Variants in KIF25 observed in about 807,000 individuals in gnomAD.
The protein encoded by KIF25 is kinesin-like protein KIF25.
In KIF25, 19 loss-of-function variants were observed where a neutral mutation model predicts 32.9. The observed-to-expected ratio is 0.58, with a 90% CI of 0.40 to 0.85. The LOEUF is 0.85. Ranked by LOEUF, KIF25 falls within the 40% of genes least tolerant of loss-of-function variation. The probability of loss-of-function intolerance (pLI) is 0.00; values close to 1 mark genes in which losing one functional copy is unlikely to be tolerated. For synonymous variants in KIF25, 225 were observed against 213.7 expected (o/e 1.05, Z -0.46); for missense variants, 485 against 507.0 (o/e 0.96, Z 0.42).
At chr6:168,004,610 C>T (rs775024519) in intron 4 of KIF25, among the ~76,000 whole-genome samples, 1 of 152,140 alleles carries the variant, frequency 6.6e-6, no homozygotes, top group Non-Finnish European at 1.5e-5. Context: ...TCATTTGAAA[C>T]CCCCAATGAA....
chr6:168,031,578 C>A (rs1267700346), intron 7 of KIF25, among the ~76,000 whole-genome samples: 1 of 152,218 alleles, frequency 6.6e-6, no homozygotes, highest in Non-Finnish European at 1.5e-5. Context: ...CACGCGGGGC[C>A]GCTCCGCCAA....
intron 8 of KIF25, among the ~76,000 whole-genome samples, chr6:168,035,401 A>G (rs1171276972): frequency 4.9e-5 from 2 of 41,230 alleles, no homozygotes; most frequent in Non-Finnish European, 1.0e-4. Flanking sequence ...AAGCATATCC[A>G]GGGCGGCAAA....
At chr6:168,040,575 AGAAG>A (rs1428986609) in intron 10 of KIF25, among the ~76,000 whole-genome samples, 1 of 148,594 alleles carries the variant, frequency 6.7e-6, no homozygotes, top group African/African-American at 2.6e-5. Context: ...AAAAAAAAAA[AGAAG>A]AAGAAGAAGA....
chr6:168,018,528 T>G (rs981397355), intron 5 of KIF25, among the ~76,000 whole-genome samples: 4 of 152,184 alleles, frequency 2.6e-5, no homozygotes, highest in Non-Finnish European at 5.9e-5. Flanking sequence ...CATATGTTCA[T>G]TGTTTTAAGT....
chr6:168,004,871 G>A (rs1798557648), intron 4 of KIF25, among the ~76,000 whole-genome samples: 1 of 152,222 alleles, frequency 6.6e-6, no homozygotes, highest in Admixed American at 6.5e-5. Flanking sequence ...TGGGACTGAT[G>A]AAGCACTTTT....
intron 4 of KIF25, among the ~76,000 whole-genome samples, chr6:168,012,496 A>G (rs1798660907): frequency 6.6e-6 from 1 of 152,188 alleles, no homozygotes; most frequent in Non-Finnish European, 1.5e-5. Flanking sequence ...TTCCAAGGGT[A>G]GGCTCTCAGG....
rs751450720 is a variant in KIF25, at chr6:168,038,571, C to T, written c.336C>T (p.Thr112=). ...EELFRLILEN[T]SRSPKVEVSI... ...CCCGCAGGCTCATTTTGGAAAATAC[C>T]TCAAGAAGCCCAAAGGTTGAAGTCT... The change falls in exon 9 of 13, where the codon ACC becomes ACT. Residue 112 remains threonine (T), a synonymous_variant. Transcript: ENST00000643607. The T allele has an allele frequency of 6.2e-6, 10 of 1,613,802 alleles. No individual in the cohort carries two copies. Among genetic ancestry groups the T allele is most frequent in the Non-Finnish European group, 8.5e-7 (1 of 1,180,004 alleles).
intron 2 of KIF25, among the ~76,000 whole-genome samples, chr6:168,001,624 G>A (rs1393436537): frequency 6.9e-6 from 1 of 144,404 alleles, no homozygotes; most frequent in Non-Finnish European, 1.5e-5. Context: ...CGTGGCCTCG[G>A]GCAGGTGAGA....
rs563479931 is a variant in KIF25, at chr6:168,041,909, G to A, written c.647-60G>A. ...GCTTCTCGGCTCTGACTGAGGCAAA[G>A]CACAGCCTCATGGCTTCATGCAACT... On this transcript the variant is annotated intron_variant, in intron 10 of 12. Transcript: ENST00000643607. 3.8e-5 allele frequency: 57 copies of A among 1,512,208 alleles called. 1 individual carries two copies. In the South Asian group the frequency reaches 6.8e-4, roughly 18 times the overall value. 93.7% of individuals were successfully genotyped at this position (1,512,208 alleles called of 1,614,324 possible).
chr6:168,037,275 T>G (rs1427789599), intron 8 of KIF25, among the ~76,000 whole-genome samples: 1 of 152,202 alleles, frequency 6.6e-6, no homozygotes, highest in Non-Finnish European at 1.5e-5. Flanking sequence ...TGACTGTTTG[T>G]CATTAGAAGA....
intron 5 of KIF25, among the ~76,000 whole-genome samples, chr6:168,028,608 T>C (rs527605303): frequency 1.3e-5 from 2 of 152,268 alleles, no homozygotes; most frequent in East Asian, 3.9e-4. Flanking sequence ...AACAAAACTT[T>C]GGAGCTCCAG....
intron 5 of KIF25, among the ~76,000 whole-genome samples, chr6:168,027,109 C>T (rs1445161709): frequency 2.0e-5 from 3 of 152,076 alleles, no homozygotes; most frequent in East Asian, 1.9e-4. Flanking sequence ...GGGAGGCCCT[C>T]GACCTGGGGC....
chr6:168,016,062 GTCC>G (rs1353645176), intron 4 of KIF25, among the ~76,000 whole-genome samples: 1 of 152,210 alleles, frequency 6.6e-6, no homozygotes, highest in African/African-American at 2.4e-5. Context: ...CAAAGGAACG[GTCC>G]CCGAAGTGGA....
rs1799075048 is a variant in KIF25, at chr6:168,038,845, A to G, written c.494+116A>G. 4.8e-6 allele frequency: 5 copies of G among 1,052,004 alleles called. No individual in the cohort carries two copies. The East Asian group carries it at 1.0e-4, about 22-fold the overall frequency. 65.2% of individuals were successfully genotyped at this position (1,052,004 alleles called of 1,614,324 possible). A position where few individuals can be genotyped will look rare whatever the true frequency, so the allele number is the denominator to read the frequency against. On this transcript the variant is annotated intron_variant, in intron 9 of 12. Transcript: ENST00000643607. Reference sequence around the variant, plus strand: ...CGAGCTCCCCACGCCCAAGGATCCCAAGGAGAATCGGCCGTGGTGGCCCGA... The same window carrying G: ...CGAGCTCCCCACGCCCAAGGATCCCGAGGAGAATCGGCCGTGGTGGCCCGA...
intron 5 of KIF25, among the ~76,000 whole-genome samples, chr6:168,021,213 C>T (rs1467299840): frequency 6.6e-6 from 1 of 152,196 alleles, no homozygotes; most frequent in Non-Finnish European, 1.5e-5. Flanking sequence ...ATGGTGGGGG[C>T]TGTCCTCTTA....
At chr6:168,011,237 G>A (rs1365987583) in intron 4 of KIF25, among the ~76,000 whole-genome samples, 1 of 152,080 alleles carries the variant, frequency 6.6e-6, no homozygotes, top group Non-Finnish European at 1.5e-5. Flanking sequence ...GTGGTTTTCT[G>A]TAGTGAGTCT....
At chr6:168,003,786 T>C (rs560290374) in intron 4 of KIF25, 83 bp downstream of exon 4, 1 of 152,240 alleles carries the variant, frequency 6.6e-6, no homozygotes, top group South Asian at 2.1e-4. Flanking sequence ...TATTTTAGGC[T>C]TTCTTAGTTA....
intron 4 of KIF25, among the ~76,000 whole-genome samples, chr6:168,014,532 T>A (rs227241): frequency 0.24 from 37,227 of 152,210 alleles, 5,050 homozygotes; most frequent in Non-Finnish European, 0.34. Context: ...CTTCATGCCA[T>A]CAAATCTGCT....
intron 11 of KIF25, 92 bp from the exon 12 acceptor site, chr6:168,042,469 G>A: frequency 6.7e-7 from 1 of 1,497,730 alleles, no homozygotes. Context: ...CCCTCTACCT[G>A]CCTGAGAGCC....
Sources: gnomAD v4.1 joint callset for allele counts (sites outside exome capture counted in the v4.1 genomes callset) on GRCh38, gnomAD v4.1.1 for gene constraint, MANE v1.5 for transcripts, NCBI Gene and HGNC (gene_info 2026-07-23, HGNC 2026-07-21) for gene names.